STOX2: variants seen among roughly 807,000 people sequenced by gnomAD.
STOX2 encodes storkhead box 2.
In STOX2, 28 loss-of-function variants were observed where a neutral mutation model predicts 60.9. The observed-to-expected ratio is 0.46, with a 90% CI of 0.34 to 0.63. The LOEUF (loss-of-function observed/expected upper bound fraction) is 0.63. Among genes scored for constraint, STOX2 ranks in the 30% least tolerant of loss-of-function variants. The probability of loss-of-function intolerance (pLI) is 0.01; values close to 1 mark genes in which losing one functional copy is unlikely to be tolerated. For missense variants in STOX2, 1,024 were observed against 1,187.7 expected (o/e 0.86, Z 2.03); for synonymous variants, 472 against 463.9 (o/e 1.02, Z -0.22).
In STOX2 at chr4:183,836,155, A is replaced by G. The variant is rs1739703168; in HGVS notation, c.364+38100A>G. Among the ~76,000 whole-genome samples, 1 of 151,984 alleles carries G rather than the reference A, an allele frequency of 6.6e-6. No homozygotes were observed. The highest frequency in any genetic ancestry group is 2.4e-5 in the African/African-American group (1 of 41,352). On this transcript the variant is annotated intron_variant, in intron 1 of 2. Transcript: ENST00000513034. This position sits in a 1 kb window ranked among gnomAD's most constrained non-coding sequence, Gnocchi z 4.1. The stretch of plus-strand genomic sequence containing the variant: ...CTTTTCATGTGCTTTTTGGCTGTTT[A>G]TCATAGCCTTTGGAGAAATGTCTGT...
At position 183,857,349 on chromosome 4, in the gene STOX2, T is replaced by A. The variant is rs1487534014; in HGVS notation, c.364+59294T>A. Among the ~76,000 whole-genome samples the A allele has an allele frequency of 7.9e-3, 507 of 64,012 alleles. 2 individuals carry two copies. Among genetic ancestry groups the A allele is most frequent in the African/African-American group, 0.022 (451 of 20,152 alleles). The allele number at this position is 64,012 out of a possible 152,430, so 42.0% of individuals were successfully genotyped here. ...TGGTTATCCCATAGGACTGGTTGCC[T>A]CGTAGGACTGGTCATCCCGCAGGAC... On this transcript the variant is annotated intron_variant, in intron 1 of 2. Transcript: ENST00000513034.
chr4:184,005,539 A>G (rs572771779), intron 2 of STOX2, among the ~76,000 whole-genome samples: 1 of 152,152 alleles, frequency 6.6e-6, no homozygotes, highest in South Asian at 2.1e-4. Flanking sequence ...TTTGCTTTGA[A>G]AAATGTAAAG....
intron 1 of STOX2, among the ~76,000 whole-genome samples, chr4:183,898,280 A>G (rs1741381550): frequency 6.6e-6 from 1 of 151,896 alleles, no homozygotes; most frequent in African/African-American, 2.4e-5. Context: ...AAGCAGGGAG[A>G]GCAGTGAGAG....
chr4:183,951,096 G>A lies in STOX2; in HGVS notation c.166+44140G>A, dbSNP rs865955311. 3.9e-3 allele frequency among the ~76,000 whole-genome samples: 585 copies of A among 151,582 alleles called. 5 individuals are homozygous for A. The highest frequency in any genetic ancestry group is 0.013 in the African/African-American group (556 of 41,302). On this transcript the variant is annotated intron_variant, in intron 1 of 3. Coordinates refer to ENST00000308497, the MANE Select transcript of STOX2 (RefSeq NM_020225.3). ...CCGGGCGTGGTGGCGGGCGCCTGTA[G>A]TCCCAGCTACTCGGGAGGCTGAGGC...
intron 1 of STOX2, among the ~76,000 whole-genome samples, chr4:183,981,160 C>T (rs1173678343): frequency 2.6e-5 from 4 of 152,188 alleles, no homozygotes; most frequent in African/African-American, 9.7e-5. Context: ...GTTTATACAT[C>T]CTCAAGATGA....
intron 1 of STOX2, among the ~76,000 whole-genome samples, chr4:183,816,861 G>A (rs996987488): frequency 1.3e-5 from 2 of 152,174 alleles, no homozygotes; most frequent in Non-Finnish European, 2.9e-5. Flanking sequence ...GCGTATTTTT[G>A]TGTCTGCCAA....
chr4:183,861,307 T>C (rs1251978315), intron 1 of STOX2, among the ~76,000 whole-genome samples: 1 of 46,264 alleles, frequency 2.2e-5, no homozygotes, highest in Non-Finnish European at 5.8e-5. Flanking sequence ...TCCCGTTACC[T>C]TGGGGGGGTC....
At chr4:183,852,555 A>ATGAGAGAAAGGT (rs1740179902) in intron 1 of STOX2, among the ~76,000 whole-genome samples, 1 of 151,486 alleles carries the variant, frequency 6.6e-6, no homozygotes, top group African/African-American at 2.4e-5. Flanking sequence ...GAGGGAAAGG[A>ATGAGAGAAAGGT]TGAGAGAAAG....
intron 1 of STOX2, among the ~76,000 whole-genome samples, chr4:183,927,622 T>C (rs1330671041): frequency 1.3e-5 from 2 of 151,980 alleles, no homozygotes; most frequent in Admixed American, 6.6e-5. Context: ...AGGCTAGACG[T>C]GGTACTTTTT....
At chr4:183,816,700 G>A (rs1359511088) in intron 1 of STOX2, among the ~76,000 whole-genome samples, 1 of 152,022 alleles carries the variant, frequency 6.6e-6, no homozygotes, top group African/African-American at 2.4e-5. Context: ...CATTTATTTT[G>A]GAAACATCAC....
At chr4:183,871,768 T>C (rs1168616018) in intron 1 of STOX2, among the ~76,000 whole-genome samples, 2 of 152,140 alleles carry the variant, frequency 1.3e-5, no homozygotes, top group Non-Finnish European at 2.9e-5. Context: ...AAAAAATGAA[T>C]TCCTTATGTA....
At chr4:183,888,394 G>T (rs7694560) in intron 1 of STOX2, among the ~76,000 whole-genome samples, 2 of 152,072 alleles carry the variant, frequency 1.3e-5, no homozygotes, top group African/African-American at 2.4e-5. Flanking sequence ...CTGAGGCCCA[G>T]GGATGCTCAC....
At position 183,932,527 on chromosome 4, in the gene STOX2, AAT is replaced by A. The variant is rs142501941; in HGVS notation, c.166+25576_166+25577del. Among the ~76,000 whole-genome samples, 301 of 151,956 alleles carry A rather than the reference AAT, an allele frequency of 2.0e-3. 4 individuals carry two copies. Among genetic ancestry groups the A allele is most frequent in the African/African-American group, 7.1e-3 (292 of 41,390 alleles). On this transcript the variant is annotated intron_variant, in intron 1 of 3. Coordinates refer to ENST00000308497, the MANE Select transcript of STOX2 (RefSeq NM_020225.3). ...ATACACATTAATGGTGTATTGATAC[AAT>A]ATATTATACAGTAGAAATGTTTGGC...
chr4:183,940,124 A>G (rs1350613383), intron 1 of STOX2, among the ~76,000 whole-genome samples: 2 of 152,134 alleles, frequency 1.3e-5, no homozygotes, highest in African/African-American at 2.4e-5. Flanking sequence ...GCCGGCCTCG[A>G]ACTCCTGACC....
At chr4:183,903,843 G>T (rs188804673), upstream of STOX2, among the ~76,000 whole-genome samples, 320 of 152,318 alleles carry the variant, frequency 2.1e-3, 1 homozygote, top group Admixed American at 3.6e-3. Context: ...CCTTGGACTG[G>T]GGTGGGGGTA....
At chr4:183,847,980 A>G (rs1213894697) in intron 1 of STOX2, among the ~76,000 whole-genome samples, 3 of 152,198 alleles carry the variant, frequency 2.0e-5, no homozygotes, top group Admixed American at 6.5e-5. Flanking sequence ...AGAGAGGTTG[A>G]AGGAGAAGAA....
chr4:183,951,716 G>T (rs942495206), intron 1 of STOX2, among the ~76,000 whole-genome samples: 37 of 152,018 alleles, frequency 2.4e-4, no homozygotes, highest in African/African-American at 8.7e-4. Flanking sequence ...AAGGCAGGCA[G>T]ATCACAAGGT....
In STOX2 at chr4:183,906,670, G is replaced by C; in HGVS notation, c.-121G>C. On this transcript the variant is annotated 5_prime_UTR_variant, in exon 1 of 4. Coordinates refer to ENST00000308497, the MANE Select transcript of STOX2 (RefSeq NM_020225.3). ...CTGGCGGTGTAGACGCCGACGAGGA[G>C]GGGCTGGGAAAATGTGCGCAGAGTC... 8.8e-7 allele frequency: 1 copy of C among 1,132,214 alleles called. No homozygotes were observed. Among genetic ancestry groups the C allele is most frequent in the Non-Finnish European group, 1.2e-6 (1 of 828,170 alleles). 70.1% of individuals were successfully genotyped at this position (1,132,214 alleles called of 1,614,324 possible).
intron 1 of STOX2, among the ~76,000 whole-genome samples, chr4:183,940,318 T>C (rs567187851): frequency 7.3e-4 from 112 of 152,388 alleles, no homozygotes; most frequent in African/African-American, 2.6e-3. Context: ...AAACACCTAG[T>C]TGTTCTGGTT....
Sources: gnomAD v4.1 joint callset for allele counts (sites outside exome capture counted in the v4.1 genomes callset) on GRCh38, gnomAD v4.1.1 for gene constraint, Gnocchi (gnomAD v3.1) non-coding constraint, MANE v1.5 for transcripts, NCBI Gene and HGNC (gene_info 2026-07-23, HGNC 2026-07-21) for gene names.